Variants in FHOD3 observed in about 807,000 individuals in gnomAD.
FHOD3 encodes formin homology 2 domain containing 3.
In FHOD3, 90 loss-of-function variants were observed where a neutral mutation model predicts 173.0. The observed-to-expected ratio is 0.52, with a 90% CI of 0.44 to 0.62. The LOEUF (loss-of-function observed/expected upper bound fraction) is 0.62, where lower values mean the gene tolerates loss of function less well. Among genes scored for constraint, FHOD3 ranks in the 20% least tolerant of loss-of-function variants. FHOD3 has a pLI of 0.00. For synonymous variants in FHOD3, 828 were observed against 823.0 expected, an observed-to-expected ratio of 1.01 and a Z score of -0.10; for missense variants, 1,945 against 2,034.7, an observed-to-expected ratio of 0.96 and a Z score of 0.85.
intron 17 of FHOD3, among the ~76,000 whole-genome samples, chr18:36,699,773 G>A (rs1347711822): frequency 6.6e-6 from 1 of 152,068 alleles, no homozygotes. Context: ...ACTTTTTCAG[G>A]AGAACCTCTG....
At chr18:36,705,674 T>G (rs1298435635) in intron 17 of FHOD3, among the ~76,000 whole-genome samples, 1 of 152,184 alleles carries the variant, frequency 6.6e-6, no homozygotes, top group Non-Finnish European at 1.5e-5. Context: ...GGTCGCTGTG[T>G]CTGTCTTTCA....
At chr18:36,713,703 A>G (rs889632131) in intron 18 of FHOD3, among the ~76,000 whole-genome samples, 1 of 152,232 alleles carries the variant, frequency 6.6e-6, no homozygotes, top group Non-Finnish European at 1.5e-5. Context: ...TATCCCAATT[A>G]CATTGATTTT....
At chr18:36,709,903 C>CA (rs2040076643) in intron 18 of FHOD3, 2 of 154,534 alleles carry the variant, frequency 1.3e-5, no homozygotes, top group African/African-American at 4.8e-5. Context: ...TGAGTATTTC[C>CA]AAAAAATTGT....
chr18:36,668,333 AT>A (rs1043978621), intron 14 of FHOD3, among the ~76,000 whole-genome samples: 1 of 151,730 alleles, frequency 6.6e-6, no homozygotes, highest in Admixed American at 6.6e-5. Flanking sequence ...GTCCCTTATT[AT>A]TTTTTTTAGT....
chr18:36,556,248 CTGTGAGA>C (rs981989286), intron 5 of FHOD3, among the ~76,000 whole-genome samples: 3 of 152,060 alleles, frequency 2.0e-5, no homozygotes, highest in African/African-American at 7.2e-5. Flanking sequence ...TATGAGTGAA[CTGTGAGA>C]TGTGTGGTCC....
At chr18:36,444,696 T>C (rs561746301) in intron 3 of FHOD3, among the ~76,000 whole-genome samples, 1 of 152,304 alleles carries the variant, frequency 6.6e-6, no homozygotes, top group East Asian at 1.9e-4. Context: ...TAGCATGCTA[T>C]AGATTTTTTT....
intron 15 of FHOD3, among the ~76,000 whole-genome samples, chr18:36,683,361 AG>A (rs1450081901): frequency 3.3e-5 from 5 of 152,222 alleles, no homozygotes; most frequent in African/African-American, 1.2e-4. Flanking sequence ...CTCTTGAAAC[AG>A]GGTGCTGGTT....
At chr18:36,369,902 C>T (rs1182043311) in intron 2 of FHOD3, among the ~76,000 whole-genome samples, 6 of 152,094 alleles carry the variant, frequency 3.9e-5, no homozygotes, top group African/African-American at 1.2e-4. Flanking sequence ...TGCAGGTGAC[C>T]GTGGAATCAG....
chr18:36,412,920 G>C (rs2049431888), intron 3 of FHOD3, among the ~76,000 whole-genome samples: 1 of 152,208 alleles, frequency 6.6e-6, no homozygotes, highest in Admixed American at 6.5e-5. Flanking sequence ...TTGTTGCTTT[G>C]GAACTGGTGT....
At chr18:36,645,174 G>GCTCATGCCTGTAAACCCAGGA (rs150696888) in intron 10 of FHOD3, among the ~76,000 whole-genome samples, 1 of 151,814 alleles carries the variant, frequency 6.6e-6, no homozygotes, top group Non-Finnish European at 1.5e-5. Flanking sequence ...GGGCATGGTG[G>GCTCATGCCTGTAAACCCAGGA]CTTTGGGAGG....
intron 25 of FHOD3, among the ~76,000 whole-genome samples, chr18:36,758,710 A>T (rs2042736355): frequency 6.6e-6 from 1 of 152,198 alleles, no homozygotes; most frequent in Admixed American, 6.5e-5. Flanking sequence ...AGGGGCCTTG[A>T]TGACTGTCAG....
chr18:36,581,684 A>C (rs1357506329), intron 6 of FHOD3, among the ~76,000 whole-genome samples: 2 of 152,198 alleles, frequency 1.3e-5, no homozygotes, highest in Non-Finnish European at 2.9e-5. Context: ...ACGTACACAC[A>C]CATACATACA....
intron 3 of FHOD3, among the ~76,000 whole-genome samples, chr18:36,411,555 A>G (rs542911322): frequency 2.0e-5 from 3 of 152,234 alleles, no homozygotes; most frequent in African/African-American, 7.2e-5. Flanking sequence ...GCTGCATTTC[A>G]TCTTATTTTA....
chr18:36,466,727 T>G (rs1226594854), intron 3 of FHOD3, among the ~76,000 whole-genome samples: 1 of 152,124 alleles, frequency 6.6e-6, no homozygotes, highest in Non-Finnish European at 1.5e-5. Flanking sequence ...TGGTGAGAGG[T>G]CAGCCTCCTT....
intron 3 of FHOD3, among the ~76,000 whole-genome samples, chr18:36,451,583 T>G (rs2051849174): frequency 6.6e-6 from 1 of 152,200 alleles, no homozygotes; most frequent in Non-Finnish European, 1.5e-5. Flanking sequence ...GCCAGTCTGG[T>G]GATTCCTCAG....
rs1383129844 is a variant in FHOD3 at position 36,747,120 on chromosome 18, G to A, written c.4217G>A (p.Arg1406Lys). Reference sequence around the variant, plus strand: ...ATTATAATTTTAAAGATTGTCCATAGAAGGATAATCAACAGGTAAGTGGAT... The same window carrying A: ...ATTATAATTTTAAAGATTGTCCATAAAAGGATAATCAACAGGTAAGTGGAT... ...ERIIILKIVH[R>K]RIINRFHSFL... The change falls in exon 24 of 29, where the codon AGA (arginine) becomes AAA (lysine). Residue 1406 changes from arginine to lysine, a missense_variant. Coordinates refer to ENST00000590592, the MANE Select transcript of FHOD3 (RefSeq NM_001281740.3). 6.2e-7 allele frequency: 1 copy of A among 1,610,438 alleles called. No individual in the cohort carries two copies. Among genetic ancestry groups the A allele is most frequent in the Non-Finnish European group, 8.5e-7 (1 of 1,178,534 alleles).
intron 3 of FHOD3, among the ~76,000 whole-genome samples, chr18:36,458,666 GTTTT>G (rs35141522): frequency 2.3e-3 from 236 of 104,724 alleles, no homozygotes; most frequent in African/African-American, 7.7e-3. Flanking sequence ...TTTTTGTTAG[GTTTT>G]TTTTTTTTTT....
At chr18:36,743,535 T>C (rs1436441182) in intron 22 of FHOD3, among the ~76,000 whole-genome samples, 1 of 152,132 alleles carries the variant, frequency 6.6e-6, no homozygotes, top group Non-Finnish European at 1.5e-5. Flanking sequence ...AAACAACTGT[T>C]TAAAAATCTT....
At chr18:36,766,877 C>T (rs747447462) in intron 27 of FHOD3, among the ~76,000 whole-genome samples, 25 of 152,126 alleles carry the variant, frequency 1.6e-4, no homozygotes, top group Non-Finnish European at 7.3e-5. Context: ...ATTTATTGAG[C>T]TTTGCATGTT....
Sources: gnomAD v4.1 joint callset for allele counts (sites outside exome capture counted in the v4.1 genomes callset) on GRCh38, gnomAD v4.1.1 for gene constraint, MANE v1.5 for transcripts, NCBI Gene and HGNC (gene_info 2026-07-23, HGNC 2026-07-21) for gene names.